The following SH3KBP1 variants were observed in gnomAD, a reference collection of about 807,000 sequenced individuals.
SH3KBP1 encodes the protein SH3 domain containing kinase binding protein 1.
Under a neutral mutation model 50.1 loss-of-function variants are expected in SH3KBP1, and 8 were observed. The ratio of observed to expected loss-of-function variants is 0.16; its 90% CI spans 0.09 to 0.29. The LOEUF (loss-of-function observed/expected upper bound fraction) is 0.29, where lower values mean the gene tolerates loss of function less well. Among genes scored for constraint, SH3KBP1 ranks in the 10% least tolerant of loss-of-function variants. The pLI, the probability that SH3KBP1 is intolerant of heterozygous loss-of-function variation, is 1.00. For missense variants in SH3KBP1, 377 were observed against 535.2 expected, an observed-to-expected ratio of 0.70 and a Z score of 2.92; for synonymous variants, 227 against 218.6, an observed-to-expected ratio of 1.04 and a Z score of -0.34.
intron 12 of SH3KBP1, among the ~76,000 whole-genome samples, chrX:19,581,606 T>C (rs1200211025): frequency 9.0e-6 from 1 of 111,555 alleles, no homozygotes; most frequent in Non-Finnish European, 1.9e-5. Flanking sequence ...TGGAAGCTTA[T>C]TTCCTGCTAC....
At chrX:19,806,771 T>C (rs67857414) in intron 2 of SH3KBP1, among the ~76,000 whole-genome samples, 1 of 112,218 alleles carries the variant, frequency 8.9e-6, no homozygotes, top group South Asian at 3.7e-4. Context: ...TAGTTCAACA[T>C]GCATTTACTA....
intron 7 of SH3KBP1, among the ~76,000 whole-genome samples, chrX:19,635,286 G>A (rs1284351488): frequency 9.0e-6 from 1 of 111,022 alleles, no homozygotes; most frequent in Non-Finnish European, 1.9e-5. Context: ...GGATGAAGCT[G>A]GAAGCCATCA....
rs2062093629 is a variant in SH3KBP1 at position 19,650,377 on chromosome X, G to A, written c.727-4902C>T. ...TCATGGCAGAAAGGGAAGCAAATAT[G>A]TCCTTCTTCACATGGCCACAGGAAG... On this transcript the variant is annotated intron_variant, in intron 6 of 17. Coordinates refer to ENST00000397821, the MANE Select transcript of SH3KBP1 (RefSeq NM_031892.3). Among the ~76,000 whole-genome samples, 5 of 112,258 alleles carry A rather than the reference G, an allele frequency of 4.5e-5. No homozygotes were observed. In the South Asian group the frequency reaches 1.8e-3, roughly 41 times the overall value.
At chrX:19,748,849 G>T (rs187266692) in intron 2 of SH3KBP1, among the ~76,000 whole-genome samples, 3 of 110,983 alleles carry the variant, frequency 2.7e-5, no homozygotes, top group Admixed American at 9.5e-5. Flanking sequence ...ACCCAGAGTA[G>T]AAAATTCAGT....
At chrX:19,840,087 T>A (rs949227414) in intron 1 of SH3KBP1, among the ~76,000 whole-genome samples, 2 of 112,349 alleles carry the variant, frequency 1.8e-5, no homozygotes, top group African/African-American at 6.5e-5. Context: ...CCTGTCAAGA[T>A]GAATTTTTTT....
At chrX:19,837,245 C>T (rs1040403406) in intron 1 of SH3KBP1, among the ~76,000 whole-genome samples, 2 of 111,651 alleles carry the variant, frequency 1.8e-5, no homozygotes, top group African/African-American at 6.5e-5. Context: ...TGAGCTCTTA[C>T]GCATCAATTC....
Position 19,682,914 on chromosome X carries a change from G to GA in SH3KBP1, c.726+908dup, listed in dbSNP as rs962808876. ...CCCACCAAAAAAAAAAAAAAAGAAA[G>GA]AAAAAAAAACAACAACACTTAAAAG... On this transcript the variant is annotated intron_variant, in intron 6 of 17. Coordinates refer to ENST00000397821, the MANE Select transcript of SH3KBP1 (RefSeq NM_031892.3). 2.5e-3 allele frequency among the ~76,000 whole-genome samples: 246 copies of GA among 98,015 alleles called. 1 individual carries two copies. Among genetic ancestry groups the GA allele is most frequent in the African/African-American group, 8.4e-3 (227 of 27,023 alleles). 85.1% of individuals were successfully genotyped at this position (98,015 alleles called of 115,157 possible). A position where few individuals can be genotyped will look rare whatever the true frequency, so the allele number is the denominator to read the frequency against.
chrX:19,627,248 C>A (rs913139490), intron 8 of SH3KBP1, among the ~76,000 whole-genome samples: 2 of 112,367 alleles, frequency 1.8e-5, no homozygotes, highest in Non-Finnish European at 3.8e-5. Flanking sequence ...CTCTCCACAG[C>A]TGGGCTCATT....
At chrX:19,598,245 ATT>A (rs2066968812) in intron 9 of SH3KBP1, among the ~76,000 whole-genome samples, 1 of 106,447 alleles carries the variant, frequency 9.4e-6, no homozygotes, top group African/African-American at 3.4e-5. Flanking sequence ...TTATTTATTT[ATT>A]TATTTATTTA....
At chrX:19,834,385 G>C (rs1035796549) in intron 2 of SH3KBP1, among the ~76,000 whole-genome samples, 1 of 112,082 alleles carries the variant, frequency 8.9e-6, no homozygotes, top group African/African-American at 3.2e-5. Flanking sequence ...TACAGCAGGG[G>C]ACCTGGGGAC....
intron 2 of SH3KBP1, among the ~76,000 whole-genome samples, chrX:19,748,141 C>T (rs779142835): frequency 1.8e-5 from 2 of 112,138 alleles, no homozygotes; most frequent in African/African-American, 3.2e-5. Context: ...CATTTTCCAT[C>T]GCAGTGTGGG....
At chrX:19,675,436 GCT>G in intron 6 of SH3KBP1, among the ~76,000 whole-genome samples, 1 of 104,120 alleles carries the variant, frequency 9.6e-6, no homozygotes, top group African/African-American at 3.6e-5. Context: ...CCAGAGTCTC[GCT>G]CTGTCGCCCA....
chrX:19,572,432 T>C (rs747374005), intron 12 of SH3KBP1, among the ~76,000 whole-genome samples: 15 of 107,012 alleles, frequency 1.4e-4, no homozygotes, highest in South Asian at 3.8e-4. Flanking sequence ...ATAGTACATA[T>C]ATGTTATATA....
intron 6 of SH3KBP1, chrX:19,670,350 G>A (rs1164723119): frequency 2.0e-5 from 15 of 751,637 alleles, no homozygotes; most frequent in Non-Finnish European, 2.3e-5. Context: ...AAATGTCGGT[G>A]ACCCTCAAGA....
chrX:19,855,086 G>A (rs1285305687), intron 1 of SH3KBP1, among the ~76,000 whole-genome samples: 1 of 110,816 alleles, frequency 9.0e-6, no homozygotes, highest in Non-Finnish European at 1.9e-5. Context: ...AGCAATTAGC[G>A]ATTCTTCTGC....
intron 8 of SH3KBP1, among the ~76,000 whole-genome samples, chrX:19,614,112 C>T (rs926115021): frequency 6.2e-5 from 7 of 112,992 alleles, no homozygotes; most frequent in Admixed American, 1.9e-4. Flanking sequence ...AGGTGAAACC[C>T]CCTGGCAGCA....
intron 6 of SH3KBP1, chrX:19,670,271 A>T (rs2062753243): frequency 6.6e-6 from 4 of 603,049 alleles, no homozygotes; most frequent in Non-Finnish European, 8.0e-6. Context: ...TTACCCCATC[A>T]TAAAAAAAGC....
At chrX:19,609,846 T>C (rs2067357377) in intron 8 of SH3KBP1, among the ~76,000 whole-genome samples, 2 of 112,176 alleles carry the variant, frequency 1.8e-5, no homozygotes, top group Admixed American at 1.9e-4. Flanking sequence ...GCCCTGAGAG[T>C]TCTGCGATCT....
At chrX:19,539,354 T>A (rs780542365) in intron 16 of SH3KBP1, among the ~76,000 whole-genome samples, 1 of 112,508 alleles carries the variant, frequency 8.9e-6, no homozygotes, top group East Asian at 2.8e-4. Flanking sequence ...GTCCCAGCTC[T>A]GCTGTCAACA....
Sources: allele counts gnomAD v4.1 joint callset (sites outside exome capture counted in the v4.1 genomes callset), GRCh38; gene constraint gnomAD v4.1.1; transcripts MANE v1.5; gene names NCBI Gene and HGNC (gene_info 2026-07-23, HGNC 2026-07-21).